Variants in PTPRD observed in about 807,000 individuals in gnomAD.
PTPRD encodes the protein protein tyrosine phosphatase receptor type D, also known as receptor-type tyrosine-protein phosphatase delta.
PTPRD carries 34 observed loss-of-function variants against 214.5 expected under a neutral mutation model. That is an observed-to-expected ratio of 0.16 (90% CI 0.12 to 0.21). The LOEUF (loss-of-function observed/expected upper bound fraction) is 0.21, where lower values mean the gene tolerates loss of function less well. Among genes scored for constraint, PTPRD ranks in the 10% least tolerant of loss-of-function variants. The probability of loss-of-function intolerance (pLI) is 1.00; values close to 1 mark genes in which losing one functional copy is unlikely to be tolerated. For synonymous variants in PTPRD, 1,128 were observed against 845.7 expected, an observed-to-expected ratio of 1.33 and a Z score of -5.79; for missense variants, 2,545 against 2,398.7, an observed-to-expected ratio of 1.06 and a Z score of -1.27.
At chr9:8,383,732 C>G (rs953440861) in intron 37 of PTPRD, among the ~76,000 whole-genome samples, 1 of 152,188 alleles carries the variant, frequency 6.6e-6, no homozygotes, top group Non-Finnish European at 1.5e-5. Context: ...CACTCCCCAT[C>G]TCCAACATTT....
rs976744631 is a variant in PTPRD, at chr9:10,530,954, A to AT, written c.-600+81443dup. ...CAATGGATGCTAAAATCAGTAGACA[A>AT]TTTTTTTTTTTTTGAGACAGATTCT... On this transcript the variant is annotated intron_variant, in intron 2 of 45. Transcript: ENST00000381196. Among the ~76,000 whole-genome samples, 260 of 146,276 alleles carry AT rather than the reference A, an allele frequency of 1.8e-3. 1 individual carries two copies. Among genetic ancestry groups the AT allele is most frequent in the African/African-American group, 3.8e-3 (151 of 40,184 alleles).
chr9:8,537,361 A>T (rs538503235), intron 14 of PTPRD, among the ~76,000 whole-genome samples: 38 of 152,194 alleles, frequency 2.5e-4, no homozygotes, highest in African/African-American at 6.7e-4. Context: ...CTGACAGTTA[A>T]TACATGACAT....
chr9:9,981,443 C>T (rs10759120), intron 4 of PTPRD, among the ~76,000 whole-genome samples: 111,800 of 150,018 alleles, frequency 0.75, 42,323 homozygotes, highest in Middle Eastern at 0.88. Context: ...CAAGCTCCAC[C>T]TCCAGGGTTC....
intron 2 of PTPRD, among the ~76,000 whole-genome samples, chr9:10,447,411 G>C (rs1349476956): frequency 6.6e-6 from 1 of 151,854 alleles, no homozygotes; most frequent in African/African-American, 2.4e-5. Flanking sequence ...AATATTCTCA[G>C]CTTTTCACAT....
At chr9:8,858,353 GA>G (rs1283194833) in intron 11 of PTPRD, 2 of 152,774 alleles carry the variant, frequency 1.3e-5, no homozygotes, top group African/African-American at 4.8e-5. Context: ...CGTGGGGGGA[GA>G]GGGGTGCGAG....
At chr9:9,514,042 C>T (rs1243545804) in intron 8 of PTPRD, among the ~76,000 whole-genome samples, 1 of 151,936 alleles carries the variant, frequency 6.6e-6, no homozygotes, top group African/African-American at 2.4e-5. Context: ...CTATCAAGTC[C>T]GAATCTGTGC....
chr9:9,037,208 A>G (rs1391574515), intron 10 of PTPRD, among the ~76,000 whole-genome samples: 1 of 152,102 alleles, frequency 6.6e-6, no homozygotes, highest in East Asian at 1.9e-4. Context: ...GTTGGAAAGG[A>G]TTTTAGAGAT....
intron 11 of PTPRD, among the ~76,000 whole-genome samples, chr9:8,893,639 A>G (rs1399436316): frequency 6.6e-6 from 1 of 152,210 alleles, no homozygotes; most frequent in Non-Finnish European, 1.5e-5. Context: ...TGTGGTAAAG[A>G]TGCAATCATA....
At chr9:9,231,487 T>A (rs1331741896) in intron 9 of PTPRD, among the ~76,000 whole-genome samples, 1 of 152,162 alleles carries the variant, frequency 6.6e-6, no homozygotes, top group African/African-American at 2.4e-5. Flanking sequence ...TTTGTGTTGA[T>A]ACCCAAATTG....
At chr9:8,483,376 G>T (rs752944648) in intron 30 of PTPRD, among the ~76,000 whole-genome samples, 18 of 151,796 alleles carry the variant, frequency 1.2e-4, no homozygotes, top group Non-Finnish European at 2.6e-4. Context: ...TACTTTGTAA[G>T]ACTTCTTCAT....
intron 10 of PTPRD, among the ~76,000 whole-genome samples, chr9:9,089,571 C>G (rs1294122297): frequency 1.3e-5 from 2 of 152,158 alleles, no homozygotes; most frequent in Non-Finnish European, 2.9e-5. Flanking sequence ...CAAATTGATT[C>G]CATGTAGCAA....
At chr9:9,862,777 G>A (rs1423936827) in intron 5 of PTPRD, among the ~76,000 whole-genome samples, 1 of 152,078 alleles carries the variant, frequency 6.6e-6, no homozygotes, top group Non-Finnish European at 1.5e-5. Context: ...CTTAACCAAA[G>A]TATGTATTGG....
intron 9 of PTPRD, among the ~76,000 whole-genome samples, chr9:9,275,083 AT>A: frequency 1.4e-5 from 1 of 71,536 alleles, no homozygotes; most frequent in Non-Finnish European, 2.7e-5. Flanking sequence ...TATATATATA[AT>A]ATATATGTTA....
chr9:10,520,456 A>G (rs920464303), intron 2 of PTPRD, among the ~76,000 whole-genome samples: 21 of 152,212 alleles, frequency 1.4e-4, no homozygotes, highest in Admixed American at 1.4e-3. Flanking sequence ...CCATAACATA[A>G]AAGTGCAAGG....
At chr9:8,786,757 G>A (rs897017577) in intron 11 of PTPRD, among the ~76,000 whole-genome samples, 6 of 139,330 alleles carry the variant, frequency 4.3e-5, no homozygotes, top group Non-Finnish European at 9.6e-5. Flanking sequence ...GGAAAAAAAA[G>A]GTGGGGGGGC....
At chr9:10,486,599 T>C (rs1406450648) in intron 2 of PTPRD, among the ~76,000 whole-genome samples, 2 of 152,202 alleles carry the variant, frequency 1.3e-5, no homozygotes, top group Non-Finnish European at 2.9e-5. Flanking sequence ...ATTTAACGTC[T>C]ATTTATTTGA....
intron 7 of PTPRD, among the ~76,000 whole-genome samples, chr9:9,644,749 G>A (rs922651577): frequency 1.3e-5 from 2 of 152,090 alleles, no homozygotes. Flanking sequence ...CCCACATCCT[G>A]TACCCATAAA....
At chr9:8,338,560 C>T (rs914833971) in intron 43 of PTPRD, among the ~76,000 whole-genome samples, 22 of 152,028 alleles carry the variant, frequency 1.4e-4, no homozygotes, top group Admixed American at 3.3e-4. Flanking sequence ...ATATTTAGAG[C>T]CTCAAGTAAT....
At chr9:9,486,182 A>AAAAAAC (rs2095627301) in intron 8 of PTPRD, among the ~76,000 whole-genome samples, 2 of 135,882 alleles carry the variant, frequency 1.5e-5, no homozygotes, top group African/African-American at 5.5e-5. Flanking sequence ...AAAAAAAAAA[A>AAAAAAC]AAAGCCTTCC....
Sources: allele counts gnomAD v4.1 joint callset (sites outside exome capture counted in the v4.1 genomes callset), GRCh38; gene constraint gnomAD v4.1.1; transcripts MANE v1.5; gene names NCBI Gene and HGNC (gene_info 2026-07-23, HGNC 2026-07-21).